Variants in RAD51B observed in about 807,000 individuals in gnomAD.
RAD51B encodes DNA repair protein RAD51 homolog 2.
A neutral mutation model predicts 42.2 loss-of-function variants in RAD51B; 38 were observed. The ratio of observed to expected loss-of-function variants is 0.90; its 90% CI spans 0.70 to 1.18. The LOEUF is 1.18. Among genes scored for constraint, RAD51B ranks in the 50% most tolerant of loss-of-function variants. The pLI, the probability that RAD51B is intolerant of heterozygous loss-of-function variation, is 0.00. For synonymous variants in RAD51B, 154 were observed against 145.2 expected (o/e 1.06, Z -0.43); for missense variants, 373 against 400.7 (o/e 0.93, Z 0.59).
intron 7 of RAD51B, among the ~76,000 whole-genome samples, chr14:67,992,912 T>G (rs2075319592): frequency 6.6e-6 from 1 of 152,128 alleles, no homozygotes; most frequent in Non-Finnish European, 1.5e-5. Flanking sequence ...CACTCATTTG[T>G]TTTTTACTCA....
chr14:67,989,667 A>C (rs2075258983), intron 7 of RAD51B, among the ~76,000 whole-genome samples: 1 of 150,420 alleles, frequency 6.6e-6, no homozygotes, highest in Non-Finnish European at 1.5e-5. Flanking sequence ...AGAAAGAAAG[A>C]AAAAAGAAAA....
chr14:67,937,455 C>T (rs1018312093), intron 7 of RAD51B, among the ~76,000 whole-genome samples: 1 of 152,192 alleles, frequency 6.6e-6, no homozygotes, highest in East Asian at 1.9e-4. Context: ...CTACTTTTGT[C>T]AAATCACCAC....
chr14:68,198,221 T>C (rs1359169212), intron 7 of RAD51B, among the ~76,000 whole-genome samples: 3 of 152,138 alleles, frequency 2.0e-5, no homozygotes, highest in African/African-American at 7.2e-5. Flanking sequence ...TTAAATTATC[T>C]TGGAGCCTTT....
chr14:68,419,488 G>C (rs2084644376), intron 9 of RAD51B, among the ~76,000 whole-genome samples: 1 of 151,900 alleles, frequency 6.6e-6, no homozygotes, highest in South Asian at 2.1e-4. Context: ...CAAGATAAAA[G>C]TCATCTTTTA....
At chr14:68,240,721 A>C (rs986670593) in intron 7 of RAD51B, among the ~76,000 whole-genome samples, 1 of 152,198 alleles carries the variant, frequency 6.6e-6, no homozygotes, top group Non-Finnish European at 1.5e-5. Flanking sequence ...AGCCCAAGGA[A>C]ATTTGCCTTG....
intron 7 of RAD51B, among the ~76,000 whole-genome samples, chr14:68,010,829 C>T (rs1365672766): frequency 2.6e-5 from 4 of 151,738 alleles, no homozygotes; most frequent in South Asian, 4.1e-4. Flanking sequence ...ATTTTTTAAG[C>T]GAATTTATAA....
chr14:67,940,039 T>TATATATATAC (rs2045114973), intron 7 of RAD51B, among the ~76,000 whole-genome samples: 1 of 12,426 alleles, frequency 8.0e-5, no homozygotes, highest in Non-Finnish European at 2.8e-4. Context: ...TATATATATA[T>TATATATATAC]ATATATATAT....
At chr14:68,281,261 GA>G (rs1269371504) in intron 7 of RAD51B, among the ~76,000 whole-genome samples, 3 of 152,124 alleles carry the variant, frequency 2.0e-5, no homozygotes, top group Admixed American at 6.5e-5. Context: ...GAGAAATAGA[GA>G]AATTAGAACG....
chr14:67,979,032 T>A (rs2075044372), intron 7 of RAD51B, among the ~76,000 whole-genome samples: 2 of 152,302 alleles, frequency 1.3e-5, no homozygotes, highest in African/African-American at 4.8e-5. Flanking sequence ...TAAAAGCTAG[T>A]CTACTAATTT....
At chr14:67,959,954 G>A (rs1338436341) in intron 7 of RAD51B, among the ~76,000 whole-genome samples, 1 of 152,008 alleles carries the variant, frequency 6.6e-6, no homozygotes, top group African/African-American at 2.4e-5. Flanking sequence ...TGGTGGTGGT[G>A]GGTGCCTGTA....
intron 7 of RAD51B, among the ~76,000 whole-genome samples, chr14:68,279,691 G>A (rs752113859): frequency 1.4e-4 from 22 of 152,008 alleles, no homozygotes; most frequent in Middle Eastern, 3.4e-3. Context: ...TTCTTATTTA[G>A]CACTACCATT....
chr14:68,058,658 A>G (rs1360107129), intron 7 of RAD51B, among the ~76,000 whole-genome samples: 5 of 152,202 alleles, frequency 3.3e-5, no homozygotes, highest in Non-Finnish European at 7.3e-5. Context: ...CTTTAACCAA[A>G]CATTATTGCT....
chr14:68,190,387 AT>A (rs1198817898), intron 7 of RAD51B, among the ~76,000 whole-genome samples: 1 of 152,200 alleles, frequency 6.6e-6, no homozygotes, highest in Non-Finnish European at 1.5e-5. Context: ...ATGGAAACAG[AT>A]TTTTAAAAAT....
rs1011841697 is a variant in RAD51B, at chr14:67,835,085, T to C, written c.204T>C (p.Tyr68=). 1 of 1,609,082 alleles carries C rather than the reference T, an allele frequency of 6.2e-7. No individual in the cohort carries two copies. The highest frequency in any genetic ancestry group is 2.2e-5 in the East Asian group (1 of 44,828). ...TTAATCATTTTCTTGTTTAGGCTTA[T>C]GGGATAAAAGCACAAAGGTCTGCTG... ...RACAPKMQTA[Y]GIKAQRSADF... Residue 68 remains tyrosine, a synonymous_variant, in exon 4 of 11, where the codon TAT becomes TAC. Transcript: ENST00000471583.
chr14:68,484,646 C>T (rs1441998544), intron 10 of RAD51B, among the ~76,000 whole-genome samples: 1 of 152,038 alleles, frequency 6.6e-6, no homozygotes, highest in East Asian at 1.9e-4. Context: ...CGTGAGCCAC[C>T]GTGCCTGGCC....
intron 7 of RAD51B, among the ~76,000 whole-genome samples, chr14:68,089,370 A>G (rs1037625459): frequency 1.3e-5 from 2 of 152,282 alleles, no homozygotes; most frequent in Non-Finnish European, 2.9e-5. Flanking sequence ...CTCCTCTGGA[A>G]TAAAAGGAAC....
At chr14:67,938,548 T>C (rs1021926603) in intron 7 of RAD51B, among the ~76,000 whole-genome samples, 1 of 152,176 alleles carries the variant, frequency 6.6e-6, no homozygotes. Context: ...CCCAAGAGAA[T>C]TGTGTTCCAT....
At chr14:68,326,328 C>T (rs1429206426) in intron 8 of RAD51B, among the ~76,000 whole-genome samples, 3 of 152,084 alleles carry the variant, frequency 2.0e-5, no homozygotes, top group Non-Finnish European at 4.4e-5. Context: ...GCATGAGCCA[C>T]CAAGCCCGGC....
chr14:68,480,859 GAGGGAACTCA>G (rs1883123129), downstream of RAD51B, among the ~76,000 whole-genome samples: 1 of 152,184 alleles, frequency 6.6e-6, no homozygotes, highest in Non-Finnish European at 1.5e-5. Context: ...AACTTCAGGG[GAGGGAACTCA>G]AGAATACGGC....
Sources: allele counts gnomAD v4.1 joint callset (sites outside exome capture counted in the v4.1 genomes callset), GRCh38; gene constraint gnomAD v4.1.1; transcripts MANE v1.5; gene names NCBI Gene and HGNC (gene_info 2026-07-23, HGNC 2026-07-21).